AFG1L: variants seen among roughly 807,000 people sequenced by gnomAD.
AFG1L encodes the protein AFG1-like ATPase.
AFG1L carries 53 observed loss-of-function variants against 62.2 expected under a neutral mutation model. The observed-to-expected ratio is 0.85, with a 90% confidence interval of 0.68 to 1.07. AFG1L has a LOEUF of 1.07. AFG1L is among the 50% of genes least tolerant of loss of function. The pLI is 0.00. For missense variants in AFG1L, 555 were observed against 590.5 expected, an observed-to-expected ratio of 0.94 and a Z score of 0.62; for synonymous variants, 228 against 210.3, an observed-to-expected ratio of 1.08 and a Z score of -0.73.
intron 6 of AFG1L, 52 bp downstream of exon 6, chr6:108,366,384 C>A: frequency 1.8e-6 from 2 of 1,120,050 alleles, no homozygotes; most frequent in South Asian, 1.5e-5. Flanking sequence ...AACTAACAAG[C>A]TTTTAAAAAT....
intron 6 of AFG1L, among the ~76,000 whole-genome samples, chr6:108,370,309 AT>A (rs1779946589): frequency 6.6e-6 from 1 of 152,168 alleles, no homozygotes; most frequent in Non-Finnish European, 1.5e-5. Context: ...GGGTATAGTA[AT>A]ATGATGCATG....
chr6:108,437,066 C>CT (rs935393562), intron 7 of AFG1L, among the ~76,000 whole-genome samples: 2 of 152,060 alleles, frequency 1.3e-5, no homozygotes, highest in African/African-American at 4.8e-5. Flanking sequence ...CTCCCTCAGC[C>CT]TTTTTTTATA....
intron 1 of AFG1L, among the ~76,000 whole-genome samples, chr6:108,319,315 A>T (rs1037976519): frequency 2.0e-5 from 3 of 152,154 alleles, no homozygotes; most frequent in Non-Finnish European, 4.4e-5. Context: ...ATCTCCACTC[A>T]CTGCAGCCTC....
chr6:108,491,748 G>T (rs536928705), intron 10 of AFG1L, among the ~76,000 whole-genome samples: 1 of 152,138 alleles, frequency 6.6e-6, no homozygotes, highest in Non-Finnish European at 1.5e-5. Context: ...CCAGCAGCAC[G>T]GGGAGATATT....
In AFG1L at chr6:108,525,526, T is replaced by A. The variant is rs140084586; in HGVS notation, c.*3101T>A. The A allele has an allele frequency of 6.6e-5, 10 of 152,314 alleles. No individual in the cohort carries two copies. The highest frequency in any genetic ancestry group is 2.2e-4 in the African/African-American group (9 of 41,564). The allele number at this position is 152,314 out of a possible 1,614,324, so 9.4% of individuals were successfully genotyped here. ...AAATTAGTTGGAATATTGAAAAAAATTAAAATTTCACTTGTAAAATAAGTG... is the reference window on the plus strand; with the variant it reads ...AAATTAGTTGGAATATTGAAAAAAAATAAAATTTCACTTGTAAAATAAGTG... On this transcript the variant is annotated 3_prime_UTR_variant, in exon 13 of 13. Transcript: ENST00000368977.
chr6:108,387,899 A>G (rs1780843247), intron 6 of AFG1L: 1 of 152,170 alleles, frequency 6.6e-6, no homozygotes, highest in African/African-American at 2.4e-5. Context: ...TAGCAGCTAG[A>G]ATTTTTTTAT....
chr6:108,311,732 A>G (rs1161510844), intron 1 of AFG1L, among the ~76,000 whole-genome samples: 2 of 152,216 alleles, frequency 1.3e-5, no homozygotes, highest in African/African-American at 4.8e-5. Flanking sequence ...TTTCTAGCAC[A>G]GAGCTTTGTA....
chr6:108,345,575 A>C (rs1305545081), intron 2 of AFG1L, among the ~76,000 whole-genome samples: 4 of 152,016 alleles, frequency 2.6e-5, no homozygotes, highest in Non-Finnish European at 5.9e-5. Context: ...GAGCTCAAAC[A>C]ATCTGACCAC....
At chr6:108,386,330 G>A (rs961084569) in intron 6 of AFG1L, among the ~76,000 whole-genome samples, 39 of 151,990 alleles carry the variant, frequency 2.6e-4, no homozygotes, top group African/African-American at 7.2e-4. Flanking sequence ...GCATGGTGGC[G>A]CATACCTGTA....
At chr6:108,298,438 G>A (rs750883822) in intron 1 of AFG1L, among the ~76,000 whole-genome samples, 10 of 152,028 alleles carry the variant, frequency 6.6e-5, no homozygotes, top group South Asian at 2.1e-4. Flanking sequence ...ACTAATTTTC[G>A]TATTTTTAGT....
Position 108,396,048 on chromosome 6 carries a change from G to GT in AFG1L, c.749-5937dup, listed in dbSNP as rs532126297. Among the ~76,000 whole-genome samples the GT allele has an allele frequency of 8.4e-3, 1,182 of 141,328 alleles. 7 individuals are homozygous for GT. The highest frequency in any genetic ancestry group is 0.024 in the East Asian group (117 of 4,796). The allele number at this position is 141,328 out of a possible 152,430, so 92.7% of individuals were successfully genotyped here. A position where few individuals can be genotyped will look rare whatever the true frequency, so the allele number is the denominator to read the frequency against. ...TTGTTTGTTTGTTTTTTGTTTTTTT[G>GT]TTTTTTTTTTTGTAGAGATGGGGTT... On this transcript the variant is annotated intron_variant, in intron 6 of 12. Coordinates refer to ENST00000368977, the MANE Select transcript of AFG1L (RefSeq NM_145315.5).
At chr6:108,403,996 C>T (rs1338428271) in intron 7 of AFG1L, among the ~76,000 whole-genome samples, 1 of 152,004 alleles carries the variant, frequency 6.6e-6, no homozygotes, top group Non-Finnish European at 1.5e-5. Flanking sequence ...GAGAAAAGGT[C>T]TAAAATATCT....
At chr6:108,504,761 T>A (rs549149382) in intron 10 of AFG1L, among the ~76,000 whole-genome samples, 1 of 152,348 alleles carries the variant, frequency 6.6e-6, no homozygotes, top group South Asian at 2.1e-4. Context: ...TCTATCTGTG[T>A]GCCCAGAAAG....
intron 1 of AFG1L, among the ~76,000 whole-genome samples, chr6:108,311,783 C>T (rs1183355027): frequency 6.6e-6 from 1 of 152,180 alleles, no homozygotes; most frequent in Non-Finnish European, 1.5e-5. Context: ...CCATTTATTA[C>T]TTCACTAAAC....
At chr6:108,507,171 T>C (rs1251129669) in intron 10 of AFG1L, among the ~76,000 whole-genome samples, 1 of 152,250 alleles carries the variant, frequency 6.6e-6, no homozygotes, top group East Asian at 1.9e-4. Flanking sequence ...TGAATGACTT[T>C]TTTTTAATTG....
chr6:108,495,686 A>G (rs1224085463), intron 10 of AFG1L, among the ~76,000 whole-genome samples: 1 of 152,250 alleles, frequency 6.6e-6, no homozygotes, highest in African/African-American at 2.4e-5. Flanking sequence ...TGGGCTACAT[A>G]TAATCAAGCT....
chr6:108,327,034 G>A (rs1778072943), intron 2 of AFG1L, among the ~76,000 whole-genome samples: 1 of 152,022 alleles, frequency 6.6e-6, no homozygotes, highest in African/African-American at 2.4e-5. Context: ...ATAGCTTGAA[G>A]CCAGAAGTTT....
At chr6:108,303,837 T>C (rs1418535145) in intron 1 of AFG1L, among the ~76,000 whole-genome samples, 1 of 152,192 alleles carries the variant, frequency 6.6e-6, no homozygotes, top group Non-Finnish European at 1.5e-5. Flanking sequence ...TTTAAAAATC[T>C]TTTGAAAAAA....
intron 1 of AFG1L, among the ~76,000 whole-genome samples, chr6:108,300,172 G>A (rs1776928917): frequency 6.6e-6 from 1 of 151,054 alleles, no homozygotes; most frequent in Non-Finnish European, 1.5e-5. Flanking sequence ...TTTTGAGGTG[G>A]AGTTTTGCTC....
Sources: allele counts gnomAD v4.1 joint callset (sites outside exome capture counted in the v4.1 genomes callset), GRCh38; gene constraint gnomAD v4.1.1; transcripts MANE v1.5; gene names NCBI Gene and HGNC (gene_info 2026-07-23, HGNC 2026-07-21).